Variants in ARAP1 observed in about 807,000 individuals in gnomAD.
The protein encoded by ARAP1 is ArfGAP with RhoGAP domain, ankyrin repeat and PH domain 1.
Under a neutral mutation model 172.2 loss-of-function variants are expected in ARAP1, and 76 were observed. The ratio of observed to expected loss-of-function variants is 0.44; its 90% CI spans 0.37 to 0.53. The LOEUF (loss-of-function observed/expected upper bound fraction) is 0.53, where lower values mean the gene tolerates loss of function less well. Among genes scored for constraint, ARAP1 ranks in the 20% least tolerant of loss-of-function variants. The pLI, the probability that ARAP1 is intolerant of heterozygous loss-of-function variation, is 0.00. For synonymous variants in ARAP1, 804 were observed against 803.3 expected (o/e 1.00, Z -0.01); for missense variants, 1,686 against 1,977.5 (o/e 0.85, Z 2.80).
At chr11:72,687,319 G>A in intron 33 of ARAP1, 120 bp downstream of exon 33, 2 of 1,268,074 alleles carry the variant, frequency 1.6e-6, no homozygotes, top group South Asian at 1.3e-5. Flanking sequence ...TGAATTAAAA[G>A]CAACTCAAAA....
At chr11:72,735,876 C>G (rs1409656840) in intron 1 of ARAP1, among the ~76,000 whole-genome samples, 1 of 152,200 alleles carries the variant, frequency 6.6e-6, no homozygotes, top group Non-Finnish European at 1.5e-5. Context: ...GAAGCATGAA[C>G]CAGACCTCAG....
Position 72,695,944 on chromosome 11 carries a change from T to C in ARAP1, c.3273-79A>G. 6.6e-7 allele frequency: 1 copy of C among 1,505,392 alleles called. No homozygotes were observed. Among genetic ancestry groups the C allele is most frequent in the Non-Finnish European group, 8.9e-7 (1 of 1,124,402 alleles). 93.3% of individuals were successfully genotyped at this position (1,505,392 alleles called of 1,614,324 possible). A position where few individuals can be genotyped will look rare whatever the true frequency, so the allele number is the denominator to read the frequency against. On this transcript the variant is annotated intron_variant, in intron 23 of 34. Coordinates refer to ENST00000393609, the MANE Select transcript of ARAP1 (RefSeq NM_001040118.3). This position sits in a 1 kb window ranked among gnomAD's most constrained non-coding sequence, Gnocchi z 4.4. ...TCTCACCCTATTAATTTCTGACAGG[T>C]CCAAGACTGGTCTGGTCAGAGGGGA...
chr11:72,713,146 A>G (rs1361419483), intron 5 of ARAP1, 30 bp downstream of exon 5: 1 of 1,611,356 alleles, frequency 6.2e-7, no homozygotes, highest in Non-Finnish European at 8.5e-7. Context: ...CAACACCCTG[A>G]CAGGCAGACA....
Position 72,712,309 on chromosome 11 carries a change from C to A in ARAP1, c.909G>T (p.Leu303Phe). 1 of 1,567,628 alleles carries A rather than the reference C, an allele frequency of 6.4e-7. No individual in the cohort carries two copies. The highest frequency in any genetic ancestry group is 1.2e-5 in the South Asian group (1 of 85,342). The change falls in exon 7 of 35, where the codon TTG becomes TTT. Residue 303 changes from leucine to phenylalanine, a missense_variant. Coordinates refer to ENST00000393609, the MANE Select transcript of ARAP1 (RefSeq NM_001040118.3). ...NGGWHTSSLSLSLPSTIAAPH... is the reference protein window; with the variant it reads ...NGGWHTSSLSFSLPSTIAAPH... ...GCGCAGCTATTGTGCTGGGCAAGGACAAGCTCAGGCTGCTGGTATGCCATC... is the reference window on the plus strand; with the variant it reads ...GCGCAGCTATTGTGCTGGGCAAGGAAAAGCTCAGGCTGCTGGTATGCCATC...
intron 30 of ARAP1, among the ~76,000 whole-genome samples, chr11:72,690,250 A>G (rs11820191): frequency 0.4 from 60,534 of 151,936 alleles, 12,773 homozygotes; most frequent in African/African-American, 0.47. Context: ...AGGAATCAAG[A>G]CATTCAAACC....
intron 11 of ARAP1, 39 bp from the exon 12 acceptor site, chr11:72,707,413 T>G (rs1204316688): frequency 1.3e-6 from 2 of 1,567,020 alleles, no homozygotes; most frequent in Non-Finnish European, 1.7e-6. Flanking sequence ...GGGGATGGAC[T>G]CAGAGGGATT....
intron 33 of ARAP1, among the ~76,000 whole-genome samples, chr11:72,686,514 C>T (rs1855691565): frequency 6.6e-6 from 1 of 152,186 alleles, no homozygotes; most frequent in Admixed American, 6.5e-5. Flanking sequence ...TCCCTTTAGG[C>T]TTTGCTTACC....
At chr11:72,714,416 G>C in intron 3 of ARAP1, 95 bp from the exon 4 acceptor site, 2 of 1,277,994 alleles carry the variant, frequency 1.6e-6, no homozygotes, top group Non-Finnish European at 2.2e-6. Flanking sequence ...GCAAAACTCA[G>C]GCACTACACA....
At position 72,693,141 on chromosome 11, in the gene ARAP1, C is replaced by T. The variant is rs1406576208; in HGVS notation, c.3954+184G>A. The stretch of plus-strand genomic sequence containing the variant: ...CAGGGCTTAGTGGGGCTACAGGGCA[C>T]ACTAGAGTGGCCGTCCAGGGCCACA... On this transcript the variant is annotated intron_variant, in intron 29 of 34. Coordinates refer to ENST00000393609, the MANE Select transcript of ARAP1 (RefSeq NM_001040118.3). This position sits in a 1 kb window ranked among gnomAD's most constrained non-coding sequence, Gnocchi z 4.6. 1.2e-5 allele frequency: 11 copies of T among 928,114 alleles called. No individual in the cohort carries two copies. Among genetic ancestry groups the T allele is most frequent in the Non-Finnish European group, 1.7e-5 (11 of 633,692 alleles). The allele number at this position is 928,114 out of a possible 1,614,324, so 57.5% of individuals were successfully genotyped here.
In ARAP1 at chr11:72,685,375, C is replaced by A; in HGVS notation, c.*289G>T. 1 of 503,726 alleles carries A rather than the reference C, an allele frequency of 2.0e-6. No individual in the cohort carries two copies. Among genetic ancestry groups the A allele is most frequent in the East Asian group, 3.5e-5 (1 of 28,784 alleles). 31.2% of individuals were successfully genotyped at this position (503,726 alleles called of 1,614,324 possible). ...GTCCTCCCAAGTTCCTGACTTATGC[C>A]CATCTCTCCAGCCCCACAAGGACAG... On this transcript the variant is annotated 3_prime_UTR_variant, in exon 35 of 35. Transcript: ENST00000393609.
intron 1 of ARAP1, among the ~76,000 whole-genome samples, chr11:72,743,760 A>C (rs1048465931): frequency 4.2e-4 from 64 of 151,986 alleles, no homozygotes; most frequent in African/African-American, 1.5e-3. Flanking sequence ...TCACCCACAC[A>C]GGGGAAGTGT....
rs142708180 is a variant in ARAP1 at position 72,718,352 on chromosome 11, G to A, written c.510-4031C>T. Among the ~76,000 whole-genome samples the A allele has an allele frequency of 3.2e-3, 479 of 151,886 alleles. 3 individuals carry two copies. The highest frequency in any genetic ancestry group is 0.011 in the African/African-American group (445 of 41,380). On this transcript the variant is annotated intron_variant, in intron 3 of 34. Coordinates refer to ENST00000393609, the MANE Select transcript of ARAP1 (RefSeq NM_001040118.3). Reference sequence around the variant, plus strand: ...TCACTGCTTGCACCCCTAAGAGTAGGCCCCGCTCCAATCCCGAGGTCCAGC... The same window carrying A: ...TCACTGCTTGCACCCCTAAGAGTAGACCCCGCTCCAATCCCGAGGTCCAGC...
chr11:72,711,183 C>T (rs760068186), intron 8 of ARAP1, 42 bp from the exon 9 acceptor site: 7 of 1,610,348 alleles, frequency 4.3e-6, no homozygotes, highest in South Asian at 2.2e-5. Flanking sequence ...CCCAGCACCT[C>T]GCTGACTCCC....
chr11:72,686,263 C>G (rs1286379665), intron 33 of ARAP1, 72 bp from the exon 34 acceptor site: 4 of 1,535,730 alleles, frequency 2.6e-6, no homozygotes, highest in South Asian at 2.5e-5. Flanking sequence ...ATCTGCCCAC[C>G]CTTCCCAGAA....
rs1856156816 is a variant in ARAP1 at position 72,695,686 on chromosome 11, T to G, written c.3420+32A>C. On this transcript the variant is annotated intron_variant, in intron 24 of 34. Coordinates refer to ENST00000393609, the MANE Select transcript of ARAP1 (RefSeq NM_001040118.3). The surrounding 1 kb of genome is among the most constrained non-coding windows in gnomAD (Gnocchi z 4.4). ...CACCGTCATCTGCAAGGATCACCCCTGCCCTCCACTGCCCACTGGCCAGGG... is the reference window on the plus strand; with the variant it reads ...CACCGTCATCTGCAAGGATCACCCCGGCCCTCCACTGCCCACTGGCCAGGG... The G allele has an allele frequency of 6.2e-7, 1 of 1,613,964 alleles. No individual in the cohort carries two copies. The highest frequency in any genetic ancestry group is 1.3e-5 in the African/African-American group (1 of 74,950).
intron 1 of ARAP1, among the ~76,000 whole-genome samples, chr11:72,748,680 C>T (rs1168027116): frequency 6.6e-6 from 1 of 152,156 alleles, no homozygotes; most frequent in Non-Finnish European, 1.5e-5. Context: ...AGAGACATTC[C>T]ACAGGAAGAC....
At chr11:72,692,512 G>A (rs1346209043) in intron 30 of ARAP1, among the ~76,000 whole-genome samples, 1 of 152,198 alleles carries the variant, frequency 6.6e-6, no homozygotes, top group Non-Finnish European at 1.5e-5. Context: ...AAGTCCTTTG[G>A]AAAATTCTAG....
chr11:72,726,749 G>A lies in ARAP1; in HGVS notation c.380C>T (p.Thr127Ile), dbSNP rs1368676176. The A allele has an allele frequency of 1.9e-6, 3 of 1,548,716 alleles. No homozygotes were observed. Among genetic ancestry groups the A allele is most frequent in the African/African-American group, 1.4e-5 (1 of 72,960 alleles). ...AGCTGTGGATGGGGTGGTGAAGCAG[G>A]TGGGCGGAAGGCAGCTCCTCCGGGG... ...IPPRRSCLPPTCFTTPSTAAP... is the reference protein window; with the variant it reads ...IPPRRSCLPPICFTTPSTAAP... Residue 127 changes from threonine (T) to isoleucine (I), a missense_variant, in exon 3 of 35, where the codon ACC (threonine) becomes ATC (isoleucine). Transcript: ENST00000393609. This position sits in a 1 kb window ranked among gnomAD's most constrained non-coding sequence, Gnocchi z 6.5.
chr11:72,713,236 A>T lies in ARAP1; in HGVS notation c.687T>A (p.Ser229=). ...CCTCCTCTGGGACCTCATCGTAGTC[A>T]GAGTCATCTGGTGAGAGAGGGGTTG... The part of the protein sequence containing the change: ...PVRLFPEFDD[S]DYDEVPEEGP... The change falls in exon 5 of 35, where the codon TCT becomes TCA. Residue 229 remains serine (S), a synonymous_variant. Transcript: ENST00000393609. 6.2e-7 allele frequency: 1 copy of T among 1,613,476 alleles called. No individual in the cohort carries two copies. The highest frequency in any genetic ancestry group is 8.5e-7 in the Non-Finnish European group (1 of 1,179,700).
Sources: gnomAD v4.1 joint callset for allele counts (sites outside exome capture counted in the v4.1 genomes callset) on GRCh38, gnomAD v4.1.1 for gene constraint, Gnocchi (gnomAD v3.1) non-coding constraint, MANE v1.5 for transcripts, NCBI Gene and HGNC (gene_info 2026-07-23, HGNC 2026-07-21) for gene names.